The following ADGRB3 variants were observed in gnomAD, a reference collection of about 807,000 sequenced individuals.
ADGRB3 encodes the protein adhesion G protein-coupled receptor B3.
ADGRB3 carries 37 observed loss-of-function variants against 193.4 expected under a neutral mutation model. The ratio of observed to expected loss-of-function variants is 0.19; its 90% CI spans 0.15 to 0.25. The LOEUF (loss-of-function observed/expected upper bound fraction) is 0.25. Ranked by LOEUF, ADGRB3 falls within the 10% of genes least tolerant of loss-of-function variation. The pLI, the probability that ADGRB3 is intolerant of heterozygous loss-of-function variation, is 1.00. For synonymous variants in ADGRB3, 690 were observed against 644.2 expected (o/e 1.07, Z -1.08); for missense variants, 1,637 against 1,852.9 (o/e 0.88, Z 2.14).
At chr6:68,951,575 C>G (rs1248741719) in intron 6 of ADGRB3, among the ~76,000 whole-genome samples, 1 of 152,124 alleles carries the variant, frequency 6.6e-6, no homozygotes, top group Non-Finnish European at 1.5e-5. Flanking sequence ...ACTAAATTTT[C>G]TATAAATCTT....
At chr6:69,044,129 A>C (rs1392191934) in intron 13 of ADGRB3, among the ~76,000 whole-genome samples, 1 of 152,224 alleles carries the variant, frequency 6.6e-6, no homozygotes, top group Non-Finnish European at 1.5e-5. Flanking sequence ...ACCCTAAAAA[A>C]TCAGGGATTT....
Position 69,328,684 on chromosome 6 carries a change from A to G in ADGRB3, c.3035+795A>G, listed in dbSNP as rs991126065. Reference sequence around the variant, plus strand: ...GTTCGTACAAATTGTAAACATACTGAGAGATATTATTTCACCTGTTTATCC... The same window carrying G: ...GTTCGTACAAATTGTAAACATACTGGGAGATATTATTTCACCTGTTTATCC... On this transcript the variant is annotated intron_variant, in intron 22 of 31. Coordinates refer to ENST00000370598, the MANE Select transcript of ADGRB3 (RefSeq NM_001704.3). 2.6e-5 allele frequency among the ~76,000 whole-genome samples: 4 copies of G among 152,240 alleles called. No individual in the cohort carries two copies. The East Asian group carries it at 7.7e-4, about 29-fold the overall frequency.
At chr6:69,030,967 T>A (rs1161366590) in intron 13 of ADGRB3, among the ~76,000 whole-genome samples, 1 of 127,746 alleles carries the variant, frequency 7.8e-6, no homozygotes, top group African/African-American at 3.2e-5. Context: ...TTTTCTTTTC[T>A]TTTCTTTTCT....
At chr6:69,145,217 G>A (rs1475311551) in intron 17 of ADGRB3, among the ~76,000 whole-genome samples, 1 of 152,198 alleles carries the variant, frequency 6.6e-6, no homozygotes, top group Non-Finnish European at 1.5e-5. Context: ...AGGAGTGTGT[G>A]AGCAAGTGAG....
intron 17 of ADGRB3, among the ~76,000 whole-genome samples, chr6:69,079,697 G>A (rs766256108): frequency 2.0e-5 from 3 of 151,990 alleles, no homozygotes; most frequent in Non-Finnish European, 4.4e-5. Flanking sequence ...CATTCTTTGA[G>A]CTACTCTAAA....
intron 3 of ADGRB3, among the ~76,000 whole-genome samples, chr6:68,704,080 G>A (rs1216583569): frequency 6.6e-6 from 1 of 152,078 alleles, no homozygotes; most frequent in Non-Finnish European, 1.5e-5. Context: ...TGATTATACA[G>A]CATTTTACCA....
At chr6:69,190,713 C>T (rs1031703145) in intron 17 of ADGRB3, among the ~76,000 whole-genome samples, 19 of 152,124 alleles carry the variant, frequency 1.2e-4, no homozygotes, top group African/African-American at 4.3e-4. Context: ...TTCACTGACT[C>T]ACCCAAAAGA....
chr6:68,644,765 C>A (rs1258990669), intron 3 of ADGRB3, among the ~76,000 whole-genome samples: 1 of 152,082 alleles, frequency 6.6e-6, no homozygotes, highest in African/African-American at 2.4e-5. Context: ...AAAGAAAACT[C>A]CATTACATGG....
At chr6:69,078,817 A>T (rs1428430251) in intron 17 of ADGRB3, among the ~76,000 whole-genome samples, 1 of 152,050 alleles carries the variant, frequency 6.6e-6, no homozygotes, top group African/African-American at 2.4e-5. Context: ...CCTCACTAGA[A>T]AATAAGCACC....
intron 13 of ADGRB3, among the ~76,000 whole-genome samples, chr6:69,025,172 T>G (rs1183064454): frequency 6.6e-6 from 1 of 152,160 alleles, no homozygotes; most frequent in Non-Finnish European, 1.5e-5. Flanking sequence ...AGTTGATGTT[T>G]TCTGAAATTG....
intron 13 of ADGRB3, among the ~76,000 whole-genome samples, chr6:69,037,187 T>C (rs760650334): frequency 3.9e-5 from 6 of 152,144 alleles, no homozygotes; most frequent in Non-Finnish European, 8.8e-5. Context: ...TCTGAGTACA[T>C]GGTGGCACCT....
At chr6:68,661,967 G>A (rs1001325868) in intron 3 of ADGRB3, among the ~76,000 whole-genome samples, 1 of 151,360 alleles carries the variant, frequency 6.6e-6, no homozygotes, top group Non-Finnish European at 1.5e-5. Flanking sequence ...AAAGTGACAA[G>A]GGATCATAAA....
Position 69,026,691 on chromosome 6 carries a change from G to A in ADGRB3, c.2107+8192G>A, listed in dbSNP as rs549351901. On this transcript the variant is annotated intron_variant, in intron 13 of 31. Transcript: ENST00000370598. ...ACCTAGATGGTATAGCCTATTACACGTCTAGGCTACAGGGTATAGCCTATT... is the reference window on the plus strand; with the variant it reads ...ACCTAGATGGTATAGCCTATTACACATCTAGGCTACAGGGTATAGCCTATT... Among the ~76,000 whole-genome samples, 10 of 152,230 alleles carry A rather than the reference G, an allele frequency of 6.6e-5. No homozygotes were observed. In the East Asian group the frequency reaches 9.7e-4, roughly 15 times the overall value.
At chr6:69,176,071 T>G (rs1182626842) in intron 17 of ADGRB3, among the ~76,000 whole-genome samples, 1 of 152,182 alleles carries the variant, frequency 6.6e-6, no homozygotes, top group East Asian at 1.9e-4. Context: ...ACTCTAAAAT[T>G]ATATCATCAA....
At chr6:69,106,870 G>A in intron 17 of ADGRB3, among the ~76,000 whole-genome samples, 1 of 152,064 alleles carries the variant, frequency 6.6e-6, no homozygotes, top group East Asian at 1.9e-4. Flanking sequence ...CTTCTACTAG[G>A]GCAGCATCAC....
intron 3 of ADGRB3, among the ~76,000 whole-genome samples, chr6:68,907,644 C>T (rs1315571910): frequency 1.3e-5 from 2 of 151,826 alleles, no homozygotes; most frequent in Admixed American, 6.6e-5. Flanking sequence ...TCAATGATTT[C>T]CCAATGTTAA....
At chr6:68,835,282 A>G (rs1022154843) in intron 3 of ADGRB3, among the ~76,000 whole-genome samples, 5 of 152,116 alleles carry the variant, frequency 3.3e-5, no homozygotes, top group African/African-American at 1.2e-4. Flanking sequence ...TCATGATTAC[A>G]CCAACACTGT....
chr6:68,922,155 T>G (rs1015882946), intron 3 of ADGRB3, among the ~76,000 whole-genome samples: 2 of 152,216 alleles, frequency 1.3e-5, no homozygotes, highest in African/African-American at 2.4e-5. Flanking sequence ...TGTTTTTCTA[T>G]GAAAAACAAG....
At chr6:68,662,893 A>C (rs1207945687) in intron 3 of ADGRB3, among the ~76,000 whole-genome samples, 1 of 150,760 alleles carries the variant, frequency 6.6e-6, no homozygotes, top group Admixed American at 6.6e-5. Context: ...AAAAAAATTA[A>C]CTCCCAAGGT....
Sources: allele counts gnomAD v4.1 joint callset (sites outside exome capture counted in the v4.1 genomes callset), GRCh38; gene constraint gnomAD v4.1.1; transcripts MANE v1.5; gene names NCBI Gene and HGNC (gene_info 2026-07-23, HGNC 2026-07-21).